Variants in LNPK observed in about 807,000 individuals in gnomAD.
LNPK encodes the protein endoplasmic reticulum junction formation protein lunapark.
In LNPK, 29 loss-of-function variants were observed where a neutral mutation model predicts 55.2. The ratio of observed to expected loss-of-function variants is 0.53; its 90% confidence interval spans 0.39 to 0.72. LNPK has a LOEUF of 0.72. Ranked by LOEUF, LNPK falls within the 30% of genes least tolerant of loss-of-function variation. The pLI is 0.00. For missense variants in LNPK, 467 were observed against 494.8 expected (o/e 0.94, Z 0.53); for synonymous variants, 162 against 168.2 (o/e 0.96, Z 0.29).
rs1393913275 is a variant in LNPK, at chr2:176,002,176, C to T, written c.-79G>A. 1 of 445,380 alleles carries T rather than the reference C, an allele frequency of 2.2e-6. No homozygotes were observed. 27.6% of individuals were successfully genotyped at this position (445,380 alleles called of 1,614,324 possible). A position where few individuals can be genotyped will look rare whatever the true frequency, so the allele number is the denominator to read the frequency against. Reference sequence around the variant, plus strand: ...GCGTTCTACCTGCAAGAAGCGGGCGCAGCCCGGCCCGGGCGTCCACCCCCG... The same window carrying T: ...GCGTTCTACCTGCAAGAAGCGGGCGTAGCCCGGCCCGGGCGTCCACCCCCG... On this transcript the variant is annotated 5_prime_UTR_variant, in exon 1 of 13. Coordinates refer to ENST00000272748, the MANE Select transcript of LNPK (RefSeq NM_030650.3).
intron 9 of LNPK, among the ~76,000 whole-genome samples, chr2:175,946,850 A>G (rs550508831): frequency 2.2e-4 from 33 of 152,310 alleles, no homozygotes; most frequent in African/African-American, 7.2e-4. Flanking sequence ...TCACACTCCA[A>G]AAGAAACTGG....
At chr2:175,959,035 T>A (rs1337051836) in intron 8 of LNPK, among the ~76,000 whole-genome samples, 1 of 151,954 alleles carries the variant, frequency 6.6e-6, no homozygotes, top group Non-Finnish European at 1.5e-5. Flanking sequence ...TAAAAAGAAA[T>A]GAACAAAGCA....
intron 12 of LNPK, among the ~76,000 whole-genome samples, chr2:175,936,626 A>C (rs897377929): frequency 1.3e-5 from 2 of 152,148 alleles, no homozygotes; most frequent in African/African-American, 4.8e-5. Flanking sequence ...CCAAGTATTA[A>C]TACTGTAGCA....
intron 4 of LNPK, among the ~76,000 whole-genome samples, chr2:175,986,848 TAGA>T (rs1338552673): frequency 6.6e-6 from 1 of 151,944 alleles, no homozygotes; most frequent in African/African-American, 2.4e-5. Context: ...GGTGAAACAT[TAGA>T]AGAATTCCCA....
chr2:175,936,262 C>T (rs1454792973), intron 12 of LNPK, among the ~76,000 whole-genome samples: 1 of 151,970 alleles, frequency 6.6e-6, no homozygotes, highest in Non-Finnish European at 1.5e-5. Flanking sequence ...AAGCCAAAAG[C>T]CAAGCCCAAT....
At chr2:175,997,707 G>GTGTGTGTGTGTT (rs1687995343) in intron 1 of LNPK, among the ~76,000 whole-genome samples, 1 of 91,126 alleles carries the variant, frequency 1.1e-5, no homozygotes, top group Non-Finnish European at 2.9e-5. Context: ...CAAATGCTCT[G>GTGTGTGTGTGTT]TGTGTGTGTG....
At chr2:175,999,738 C>T (rs1000887988) in intron 1 of LNPK, among the ~76,000 whole-genome samples, 2 of 152,112 alleles carry the variant, frequency 1.3e-5, no homozygotes, top group Non-Finnish European at 2.9e-5. Flanking sequence ...CCTGTCATGA[C>T]CTTAAGAGCA....
intron 5 of LNPK, among the ~76,000 whole-genome samples, chr2:175,976,862 C>T (rs819034): frequency 0.6 from 90,704 of 152,026 alleles, 27,860 homozygotes; most frequent in African/African-American, 0.73. Flanking sequence ...ACTGCAGATC[C>T]TGGGACTTCT....
At chr2:175,941,669 T>C (rs551024164) in intron 9 of LNPK, among the ~76,000 whole-genome samples, 388 of 151,640 alleles carry the variant, frequency 2.6e-3, no homozygotes, top group Admixed American at 4.1e-3. Context: ...CACGCGCCTG[T>C]AGTCCCAGCT....
Position 175,947,563 on chromosome 2 carries a change from G to T in LNPK, c.623C>A (p.Pro208Gln), listed in dbSNP as rs764975313. The change falls in exon 9 of 13, where the codon CCA becomes CAA. Residue 208 changes from proline (P) to glutamine (Q), a missense_variant. Transcript: ENST00000272748. ...PKDSSAPGGPPERTVTPALSS... is the reference protein window; with the variant it reads ...PKDSSAPGGPQERTVTPALSS... ...TAGGGCTGGAGTAACAGTCCTTTCT[G>T]GGGGTCCACCAGGGGCAGAACTGTC... is the stretch of plus-strand genomic sequence containing the variant. 6.2e-7 allele frequency: 1 copy of T among 1,613,884 alleles called. No individual in the cohort carries two copies. The highest frequency in any genetic ancestry group is 1.1e-5 in the South Asian group (1 of 91,078).
chr2:175,969,428 T>C (rs918263754), intron 6 of LNPK, among the ~76,000 whole-genome samples: 1 of 152,202 alleles, frequency 6.6e-6, no homozygotes, highest in African/African-American at 2.4e-5. Context: ...TGAGAGATTT[T>C]CCCAAATCAT....
chr2:175,984,950 A>ACC (rs1488546894), intron 4 of LNPK, among the ~76,000 whole-genome samples: 8 of 152,244 alleles, frequency 5.3e-5, no homozygotes, highest in Non-Finnish European at 1.2e-4. Flanking sequence ...AGAACTGGAA[A>ACC]CAATGCAAAT....
intron 5 of LNPK, among the ~76,000 whole-genome samples, chr2:175,975,086 T>A (rs1457727583): frequency 1.3e-5 from 2 of 151,924 alleles, no homozygotes; most frequent in African/African-American, 4.8e-5. Flanking sequence ...CTTCCTATTC[T>A]TCCACCATCT....
At chr2:175,990,583 C>A (rs1396485443) in intron 4 of LNPK, among the ~76,000 whole-genome samples, 1 of 152,166 alleles carries the variant, frequency 6.6e-6, no homozygotes, top group Non-Finnish European at 1.5e-5. Flanking sequence ...TCACATTACA[C>A]ACAAAAGGCA....
chr2:175,950,628 CAA>C (rs1685350272), intron 8 of LNPK, among the ~76,000 whole-genome samples: 1 of 152,052 alleles, frequency 6.6e-6, no homozygotes, highest in Admixed American at 6.6e-5. Context: ...CTGTGCAAAG[CAA>C]AGACTCTGGG....
chr2:175,960,379 C>G (rs1275714216), intron 8 of LNPK, among the ~76,000 whole-genome samples: 2 of 152,174 alleles, frequency 1.3e-5, no homozygotes, highest in African/African-American at 2.4e-5. Flanking sequence ...AGGGTGCAAT[C>G]AAATTAGAAC....
intron 9 of LNPK, among the ~76,000 whole-genome samples, chr2:175,945,076 T>C (rs1248374215): frequency 6.6e-6 from 1 of 151,886 alleles, no homozygotes; most frequent in Non-Finnish European, 1.5e-5. Flanking sequence ...TTTTTGTATT[T>C]TTAGTAGAGA....
At chr2:175,962,695 T>C (rs1048269532) in intron 8 of LNPK, among the ~76,000 whole-genome samples, 1 of 152,090 alleles carries the variant, frequency 6.6e-6, no homozygotes, top group Non-Finnish European at 1.5e-5. Context: ...AAAGCCACAA[T>C]AGACAAATGG....
chr2:175,970,794 C>T lies in LNPK; in HGVS notation c.327G>A (p.Leu109=). 1.4e-6 allele frequency: 2 copies of T among 1,404,226 alleles called. No homozygotes were observed. Among genetic ancestry groups the T allele is most frequent in the South Asian group, 1.5e-5 (1 of 67,986 alleles). 87.0% of individuals were successfully genotyped at this position (1,404,226 alleles called of 1,614,324 possible). The change falls in exon 6 of 13, where the codon TTG becomes TTA. Residue 109 remains leucine (L), a synonymous_variant. Coordinates refer to ENST00000272748, the MANE Select transcript of LNPK (RefSeq NM_030650.3). ...TTTTCCTCTGGGATTTTAAATCATC[C>T]AATGCTTCATCTAGAAAGCAAGATT... ...SKRTERNNEA[L]DDLKSQRKKI...
Sources: allele counts gnomAD v4.1 joint callset (sites outside exome capture counted in the v4.1 genomes callset), GRCh38; gene constraint gnomAD v4.1.1; transcripts MANE v1.5; gene names NCBI Gene and HGNC (gene_info 2026-07-23, HGNC 2026-07-21).